Variants in CNBD1 observed in about 807,000 individuals in gnomAD.
CNBD1 encodes cyclic nucleotide binding domain containing 1.
A neutral mutation model predicts 54.4 loss-of-function variants in CNBD1; 71 were observed. The observed-to-expected ratio is 1.30, with a 90% CI of 1.08 to 1.59. CNBD1 has a LOEUF of 1.59. Among genes scored for constraint, CNBD1 ranks in the 40% most tolerant of loss-of-function variants. The pLI is 0.00. For synonymous variants in CNBD1, 182 were observed against 170.7 expected (o/e 1.07, Z -0.51); for missense variants, 659 against 518.0 (o/e 1.27, Z -2.64).
intron 8 of CNBD1, among the ~76,000 whole-genome samples, chr8:87,311,771 AAG>A (rs1165131750): frequency 2.0e-5 from 3 of 152,122 alleles, no homozygotes; most frequent in African/African-American, 7.2e-5. Context: ...AGCTATAAAA[AAG>A]AGCAAAATCA....
chr8:87,032,603 A>T (rs894450445), intron 4 of CNBD1, among the ~76,000 whole-genome samples: 4 of 152,124 alleles, frequency 2.6e-5, no homozygotes, highest in African/African-American at 9.7e-5. Flanking sequence ...AGGATGTGGA[A>T]GGGGAGGCAG....
chr8:87,103,249 A>G (rs988788900), intron 4 of CNBD1, among the ~76,000 whole-genome samples: 3 of 152,144 alleles, frequency 2.0e-5, no homozygotes, highest in Admixed American at 2.0e-4. Context: ...TGGAAAAAAG[A>G]AGGGAATGGA....
At chr8:87,375,194 C>T (rs1043629334) in intron 10 of CNBD1, among the ~76,000 whole-genome samples, 3 of 151,742 alleles carry the variant, frequency 2.0e-5, no homozygotes, top group Non-Finnish European at 2.9e-5. Context: ...GAATTCAGCT[C>T]TTAGTTTTGT....
chr8:87,157,456 T>C (rs1167422549), intron 4 of CNBD1, among the ~76,000 whole-genome samples: 1 of 152,208 alleles, frequency 6.6e-6, no homozygotes, highest in African/African-American at 2.4e-5. Context: ...GGTTAAGAGA[T>C]ATATAGTACC....
At chr8:87,252,698 A>AT (rs1365542298) in intron 6 of CNBD1, among the ~76,000 whole-genome samples, 4 of 152,158 alleles carry the variant, frequency 2.6e-5, no homozygotes, top group Middle Eastern at 3.4e-3. Flanking sequence ...ACTCAGAGGG[A>AT]TTTTTTCTTG....
Position 87,286,658 on chromosome 8 carries a change from T to C in CNBD1, c.1029T>C (p.Phe343=). ...TTGCACTCCTTAAATGGAAAAAATTTCCTCCAGGTCATGGTAAGTTTAATG... is the reference window on the plus strand; with the variant it reads ...TTGCACTCCTTAAATGGAAAAAATTCCCTCCAGGTCATGGTAAGTTTAATG... ...ELIALLKWKK[F]PPGHVIVESG... is the part of the protein sequence containing the mutation. Residue 343 remains phenylalanine, a synonymous_variant, in exon 8 of 11, where the codon TTT becomes TTC. Transcript: ENST00000518476. The C allele has an allele frequency of 6.5e-7, 1 of 1,542,290 alleles. No individual in the cohort carries two copies. Among genetic ancestry groups the C allele is most frequent in the Admixed American group, 2.0e-5 (1 of 50,486 alleles).
At chr8:87,109,046 T>G (rs1359099042) in intron 4 of CNBD1, among the ~76,000 whole-genome samples, 1 of 152,220 alleles carries the variant, frequency 6.6e-6, no homozygotes, top group Non-Finnish European at 1.5e-5. Context: ...CTGAGAAAGT[T>G]AATATATTCA....
In CNBD1 at chr8:87,061,276, A is replaced by G. The variant is rs1464345406; in HGVS notation, c.431+121522A>G. 2.0e-5 allele frequency among the ~76,000 whole-genome samples: 3 copies of G among 152,174 alleles called. No homozygotes were observed. The East Asian group carries it at 5.8e-4, about 29-fold the overall frequency. ...GTGAGATAAGAAGTAACTAAATAAG[A>G]TTAGTGTCCTTAATCAGGACTAATC... is the stretch of plus-strand genomic sequence containing the variant. On this transcript the variant is annotated intron_variant, in intron 4 of 10. Transcript: ENST00000518476.
At chr8:86,936,220 T>C (rs745970428) in intron 3 of CNBD1, among the ~76,000 whole-genome samples, 2 of 152,124 alleles carry the variant, frequency 1.3e-5, no homozygotes, top group Non-Finnish European at 2.9e-5. Flanking sequence ...ATCCTTAAGA[T>C]AGCCAACTGA....
At chr8:86,903,965 T>TA (rs1808977903) in intron 2 of CNBD1, among the ~76,000 whole-genome samples, 2 of 151,868 alleles carry the variant, frequency 1.3e-5, no homozygotes, top group African/African-American at 4.8e-5. Flanking sequence ...AGAAAGTGAA[T>TA]AAAAATGCCT....
intron 8 of CNBD1, among the ~76,000 whole-genome samples, chr8:87,305,390 G>T (rs187305287): frequency 1.3e-5 from 2 of 151,984 alleles, no homozygotes; most frequent in Non-Finnish European, 2.9e-5. Context: ...ATTCTTCAGA[G>T]AATTAGAAAA....
chr8:87,344,970 T>C (rs953957475), intron 8 of CNBD1, among the ~76,000 whole-genome samples: 1 of 152,172 alleles, frequency 6.6e-6, no homozygotes, highest in African/African-American at 2.4e-5. Flanking sequence ...ACTGAAAACA[T>C]AGAAACTTCT....
At chr8:87,304,540 G>T (rs1262412827) in intron 8 of CNBD1, among the ~76,000 whole-genome samples, 1 of 152,072 alleles carries the variant, frequency 6.6e-6, no homozygotes, top group African/African-American at 2.4e-5. Flanking sequence ...AATGTTAAGT[G>T]ATGAGTTAAT....
At chr8:87,277,684 C>T (rs892596413) in intron 6 of CNBD1, among the ~76,000 whole-genome samples, 4 of 151,584 alleles carry the variant, frequency 2.6e-5, no homozygotes, top group South Asian at 4.1e-4. Flanking sequence ...AGACTGAAAA[C>T]CAGTCTCAAA....
intron 4 of CNBD1, among the ~76,000 whole-genome samples, chr8:87,183,390 T>G (rs989790896): frequency 3.4e-4 from 18 of 52,574 alleles, no homozygotes; most frequent in East Asian, 2.8e-3. Context: ...TGTTTGTTTT[T>G]TTTTTTTTTT....
intron 4 of CNBD1, among the ~76,000 whole-genome samples, chr8:87,083,739 C>T (rs186373415): frequency 2.8e-4 from 43 of 152,028 alleles, no homozygotes; most frequent in Non-Finnish European, 5.3e-4. Flanking sequence ...CAGTCGCCTA[C>T]CACCACACCC....
chr8:87,237,150 G>C, intron 6 of CNBD1, 38 bp downstream of exon 6: 1 of 1,342,444 alleles, frequency 7.4e-7, no homozygotes, highest in Non-Finnish European at 1.0e-6. Flanking sequence ...CAAGCAACAA[G>C]GTAACGGGCT....
rs1489158528 is a variant in CNBD1 at position 87,245,025 on chromosome 8, A to G, written c.771+7913A>G. On this transcript the variant is annotated intron_variant, in intron 6 of 10. Transcript: ENST00000518476. ...AATGTTCAAAACTAAAATGTCAATC[A>G]GGAAATATTTTTACTATAATAATGG... Among the ~76,000 whole-genome samples the G allele has an allele frequency of 2.0e-5, 3 of 152,292 alleles. No individual in the cohort carries two copies. The South Asian group carries it at 6.2e-4, about 32-fold the overall frequency.
rs976181861 is a variant in CNBD1 at position 86,997,936 on chromosome 8, G to A, written c.431+58182G>A. Among the ~76,000 whole-genome samples the A allele has an allele frequency of 3.3e-5, 5 of 152,188 alleles. No individual in the cohort carries two copies. The East Asian group carries it at 5.8e-4, about 18-fold the overall frequency. ...GTAAACTGGGACAATTTAGTTTAAC[G>A]TTCCTTGTTAAACACATTTCTGTCC... On this transcript the variant is annotated intron_variant, in intron 4 of 10. Transcript: ENST00000518476.
Sources: allele counts gnomAD v4.1 joint callset (sites outside exome capture counted in the v4.1 genomes callset), GRCh38; gene constraint gnomAD v4.1.1; transcripts MANE v1.5; gene names NCBI Gene and HGNC (gene_info 2026-07-23, HGNC 2026-07-21).